CRADD: variants seen among roughly 807,000 people sequenced by gnomAD.
The protein encoded by CRADD is CARD and death domain containing adaptor protein.
A neutral mutation model predicts 15.5 loss-of-function variants in CRADD; 9 were observed. The observed-to-expected ratio is 0.58, with a 90% CI of 0.35 to 1.01. The LOEUF (loss-of-function observed/expected upper bound fraction) is 1.01, where lower values mean the gene tolerates loss of function less well. Among genes scored for constraint, CRADD ranks in the 50% least tolerant of loss-of-function variants. The pLI is 0.02. For missense variants in CRADD, 227 were observed against 250.3 expected (o/e 0.91, Z 0.63); for synonymous variants, 118 against 107.6 (o/e 1.10, Z -0.60).
chr12:93,752,161 C>T (rs1015800042), intron 2 of CRADD, among the ~76,000 whole-genome samples: 1 of 152,246 alleles, frequency 6.6e-6, no homozygotes, highest in Non-Finnish European at 1.5e-5. Flanking sequence ...CCCGCTGGGA[C>T]CTCATTCCCC....
intron 2 of CRADD, among the ~76,000 whole-genome samples, chr12:93,827,814 T>A (rs1226962984): frequency 6.6e-6 from 1 of 152,198 alleles, no homozygotes; most frequent in Non-Finnish European, 1.5e-5. Flanking sequence ...GGTACAATGT[T>A]ACAGATCCCT....
intron 2 of CRADD, among the ~76,000 whole-genome samples, chr12:93,867,262 T>G (rs1249695139): frequency 1.3e-5 from 2 of 151,856 alleles, no homozygotes; most frequent in Admixed American, 1.3e-4. Context: ...ATTTTACGGC[T>G]TTCATTTTCC....
chr12:93,833,780 TG>T (rs1957939292), intron 2 of CRADD, among the ~76,000 whole-genome samples: 1 of 152,004 alleles, frequency 6.6e-6, no homozygotes, highest in Non-Finnish European at 1.5e-5. Context: ...TCCCCCTCTA[TG>T]GTTAAGTAAA....
chr12:93,698,764 C>T (rs754897860), intron 2 of CRADD, among the ~76,000 whole-genome samples: 5 of 152,078 alleles, frequency 3.3e-5, no homozygotes, highest in African/African-American at 4.8e-5. Context: ...ATAGTTTGTG[C>T]ACTTTTAAAT....
At chr12:93,783,923 C>T (rs541174722) in intron 2 of CRADD, among the ~76,000 whole-genome samples, 32 of 152,188 alleles carry the variant, frequency 2.1e-4, no homozygotes, top group Middle Eastern at 3.4e-3. Flanking sequence ...GCAGATGTGT[C>T]GCTGTCATCT....
intron 2 of CRADD, among the ~76,000 whole-genome samples, chr12:93,888,504 T>G (rs552902215): frequency 1.3e-5 from 2 of 152,164 alleles, no homozygotes; most frequent in East Asian, 3.9e-4. Context: ...CATTAGGGCT[T>G]TATCCCAACT....
chr12:93,740,324 C>A (rs1473356454), intron 2 of CRADD, among the ~76,000 whole-genome samples: 1 of 152,084 alleles, frequency 6.6e-6, no homozygotes, highest in African/African-American at 2.4e-5. Context: ...CTAAATATTT[C>A]TCTTTTTCAT....
intron 2 of CRADD, among the ~76,000 whole-genome samples, chr12:93,719,375 G>A (rs545089004): frequency 7.0e-4 from 106 of 152,120 alleles, no homozygotes; most frequent in Non-Finnish European, 1.2e-3. Flanking sequence ...GGATTTTTGC[G>A]TTTATGTTCA....
At chr12:93,688,488 C>A (rs1955488149) in intron 2 of CRADD, among the ~76,000 whole-genome samples, 1 of 147,640 alleles carries the variant, frequency 6.8e-6, no homozygotes, top group African/African-American at 2.5e-5. Flanking sequence ...GAGTGAGACC[C>A]TGTCTCAAAA....
Position 93,737,088 on chromosome 12 carries a change from G to A in CRADD, c.298+58016G>A, listed in dbSNP as rs1436071645. ...TGACTACTGGTCTGGGATAGTTGAG[G>A]GAAGGTGGCATAGGCTGCCTATTGA... On this transcript the variant is annotated intron_variant, in intron 2 of 2. Coordinates refer to ENST00000332896, the MANE Select transcript of CRADD (RefSeq NM_003805.5). Among the ~76,000 whole-genome samples, 6 of 152,178 alleles carry A rather than the reference G, an allele frequency of 3.9e-5. No individual in the cohort carries two copies. The South Asian group carries it at 1.2e-3, about 32-fold the overall frequency.
chr12:93,850,904 A>C, downstream of CRADD: 16 of 246,836 alleles, frequency 6.5e-5, no homozygotes, highest in Non-Finnish European at 9.7e-5. This position sits in a 1 kb window ranked among gnomAD's most constrained non-coding sequence, Gnocchi z 4.0. Context: ...TAAATAGCTC[A>C]GGCAGGATGT....
intron 2 of CRADD, among the ~76,000 whole-genome samples, chr12:93,682,978 C>T (rs759662180): frequency 6.6e-6 from 1 of 152,174 alleles, no homozygotes; most frequent in Non-Finnish European, 1.5e-5. Context: ...GTCTCTCTGG[C>T]CAAGGTCACA....
intron 2 of CRADD, among the ~76,000 whole-genome samples, chr12:93,683,212 A>C (rs138438698): frequency 0.012 from 1,863 of 152,014 alleles, 27 homozygotes; most frequent in Non-Finnish European, 0.018. Context: ...GGTGGGACTC[A>C]GCGTAAATCA....
chr12:93,862,136 A>T (rs1384069439), intron 2 of CRADD, among the ~76,000 whole-genome samples: 1 of 152,208 alleles, frequency 6.6e-6, no homozygotes, highest in Non-Finnish European at 1.5e-5. Flanking sequence ...TGAGTACATT[A>T]AACCTCTTTC....
At chr12:93,758,890 C>G (rs1051674316) in intron 2 of CRADD, among the ~76,000 whole-genome samples, 6 of 152,132 alleles carry the variant, frequency 3.9e-5, no homozygotes, top group African/African-American at 1.4e-4. Context: ...GAGGCTGGGA[C>G]TGTTCAGAGC....
intron 2 of CRADD, among the ~76,000 whole-genome samples, chr12:93,687,524 G>GT (rs1053022546): frequency 1.3e-5 from 2 of 152,172 alleles, no homozygotes; most frequent in Admixed American, 1.3e-4. Flanking sequence ...ATGCCCATGT[G>GT]TAAGTCAGGC....
At chr12:93,878,223 C>T (rs1324528284) in intron 2 of CRADD, among the ~76,000 whole-genome samples, 1 of 152,120 alleles carries the variant, frequency 6.6e-6, no homozygotes, top group Non-Finnish European at 1.5e-5. Flanking sequence ...CTGCAAGAAC[C>T]ACAGTGTTAC....
At chr12:93,708,508 C>T (rs1489648952) in intron 2 of CRADD, 1 of 152,254 alleles carries the variant, frequency 6.6e-6, no homozygotes, top group African/African-American at 2.4e-5. Context: ...TTGCCACTTG[C>T]TCATTCCTCT....
At chr12:93,793,687 G>C (rs1279772027) in intron 2 of CRADD, among the ~76,000 whole-genome samples, 7 of 152,156 alleles carry the variant, frequency 4.6e-5, no homozygotes, top group Non-Finnish European at 1.0e-4. Context: ...TGGGTAAAGA[G>C]TTGGGAATGA....
Sources: allele counts gnomAD v4.1 joint callset (sites outside exome capture counted in the v4.1 genomes callset), GRCh38; gene constraint gnomAD v4.1.1; non-coding constraint Gnocchi (gnomAD v3.1); transcripts MANE v1.5; gene names NCBI Gene and HGNC (gene_info 2026-07-23, HGNC 2026-07-21).